Variants in NCOA3 observed in about 807,000 individuals in gnomAD.
NCOA3 encodes CBP-interacting protein.
NCOA3 carries 51 observed loss-of-function variants against 158.8 expected under a neutral mutation model. That is an observed-to-expected ratio of 0.32 (90% CI 0.26 to 0.41). NCOA3 has a LOEUF of 0.41. NCOA3 is among the 10% of genes least tolerant of loss of function. The probability of loss-of-function intolerance (pLI) is 1.00; values close to 1 mark genes in which losing one functional copy is unlikely to be tolerated. For synonymous variants in NCOA3, 537 were observed against 592.4 expected, an observed-to-expected ratio of 0.91 and a Z score of 1.36; for missense variants, 1,510 against 1,746.6, an observed-to-expected ratio of 0.86 and a Z score of 2.41.
At position 47,654,929 on chromosome 20, in the gene NCOA3, G is replaced by C. The variant is rs1273301351; in HGVS notation, c.*1512G>C. ...TTCATCCCCTTTAGGAGCGTTTTCAGATTTTGGTTGCTAAGACCTGAATCC... is the reference window on the plus strand; with the variant it reads ...TTCATCCCCTTTAGGAGCGTTTTCACATTTTGGTTGCTAAGACCTGAATCC... On this transcript the variant is annotated 3_prime_UTR_variant, in exon 23 of 23. Coordinates refer to ENST00000371998, the MANE Select transcript of NCOA3 (RefSeq NM_181659.3). 6.6e-6 allele frequency: 1 copy of C among 151,628 alleles called. No individual in the cohort carries two copies. Among genetic ancestry groups the C allele is most frequent in the Non-Finnish European group, 1.5e-5 (1 of 67,966 alleles). The allele number at this position is 151,628 out of a possible 1,614,324, so 9.4% of individuals were successfully genotyped here. A position where few individuals can be genotyped will look rare whatever the true frequency, so the allele number is the denominator to read the frequency against.
At chr20:47,594,664 CAAAAAAAAAAAAAAAAAAAAAAAAAAAAA>C (rs377014290) in intron 2 of NCOA3, among the ~76,000 whole-genome samples, 2 of 72,942 alleles carry the variant, frequency 2.7e-5, no homozygotes, top group Non-Finnish European at 4.9e-5. Flanking sequence ...GACTCTGTCT[CAAAAAAAAAAAAAAAAAAAAAAAAAAAAA>C]AAGAGAAGAT....
In NCOA3 at chr20:47,642,358, T is replaced by C. The variant is rs182402035; in HGVS notation, c.3226T>C (p.Leu1076=). ...ATGLEEIDRA[L]GIPELVNQGQ... ...AGGCCTGGAAGAAATTGACAGAGCT[T>C]TGGGCATTCCTGAACTTGTCAATCA... Residue 1076 remains leucine (L), a synonymous_variant, in exon 17 of 23, where the codon TTG becomes CTG. Coordinates refer to ENST00000371998, the MANE Select transcript of NCOA3 (RefSeq NM_181659.3). 78 of 1,607,402 alleles carry C rather than the reference T, an allele frequency of 4.9e-5. No individual in the cohort carries two copies. In the East Asian group the frequency reaches 1.5e-3, roughly 31 times the overall value.
intron 2 of NCOA3, among the ~76,000 whole-genome samples, chr20:47,604,574 G>T (rs986818024): frequency 3.9e-5 from 6 of 152,056 alleles, no homozygotes; most frequent in Non-Finnish European, 5.9e-5. Flanking sequence ...TTATTCTTCT[G>T]TTTCTTTTTA....
chr20:47,651,056 G>T lies in NCOA3; in HGVS notation c.3726G>T (p.Arg1242Ser). Residue 1242 changes from arginine (R) to serine (S), a missense_variant, in exon 20 of 23, where the codon AGG becomes AGT. This residue lies in a region of NCOA3 where 1,017 missense variants were observed against 1,098.3 expected (regional missense o/e 0.93). Coordinates refer to ENST00000371998, the MANE Select transcript of NCOA3 (RefSeq NM_181659.3). ...ELLSHHFRQQ[R>S]VAMMMQQQQQ... ...TAAGTCATCACTTCCGACAACAGAG[G>T]GTGGCTATGATGATGCAGCAGCAGC... 5 of 1,613,866 alleles carry T rather than the reference G, an allele frequency of 3.1e-6. No homozygotes were observed. Among genetic ancestry groups the T allele is most frequent in the Non-Finnish European group, 3.4e-6 (4 of 1,179,984 alleles).
intron 2 of NCOA3, among the ~76,000 whole-genome samples, chr20:47,606,062 G>A (rs2085941952): frequency 6.6e-6 from 1 of 152,168 alleles, no homozygotes; most frequent in South Asian, 2.1e-4. Flanking sequence ...TGCCCAGGCT[G>A]GTCTTGAACT....
intron 1 of NCOA3, among the ~76,000 whole-genome samples, chr20:47,511,495 T>TA (rs2084129170): frequency 8.4e-6 from 1 of 118,940 alleles, no homozygotes; most frequent in Admixed American, 9.4e-5. Flanking sequence ...GCTATATAGA[T>TA]ATATAGCTGA....
At chr20:47,625,105 A>T (rs1315972906) in intron 4 of NCOA3, among the ~76,000 whole-genome samples, 1 of 152,122 alleles carries the variant, frequency 6.6e-6, no homozygotes, top group Non-Finnish European at 1.5e-5. Context: ...CGGTTAACAG[A>T]CAATTGCCTG....
At chr20:47,616,978 G>A (rs868860817) in intron 2 of NCOA3, among the ~76,000 whole-genome samples, 3 of 151,894 alleles carry the variant, frequency 2.0e-5, no homozygotes, top group South Asian at 2.1e-4. Flanking sequence ...TTTTTTAGAC[G>A]GAGTCTCACT....
At chr20:47,626,771 T>C (rs962597017) in intron 5 of NCOA3, among the ~76,000 whole-genome samples, 4 of 152,188 alleles carry the variant, frequency 2.6e-5, no homozygotes, top group African/African-American at 9.7e-5. Context: ...TGTTCTCCCA[T>C]GGCCTTTTTC....
rs377014290 is a variant in NCOA3, at chr20:47,594,664, C to CAAAAAAAAAAAA, written c.-20+11423_-20+11434dup. 8.6e-4 allele frequency among the ~76,000 whole-genome samples: 63 copies of CAAAAAAAAAAAA among 72,948 alleles called. 1 individual carries two copies. Among genetic ancestry groups the CAAAAAAAAAAAA allele is most frequent in the Admixed American group, 1.1e-3 (6 of 5,572 alleles). 47.9% of individuals were successfully genotyped at this position (72,948 alleles called of 152,430 possible). A position where few individuals can be genotyped will look rare whatever the true frequency, so the allele number is the denominator to read the frequency against. On this transcript the variant is annotated intron_variant, in intron 2 of 22. Coordinates refer to ENST00000371998, the MANE Select transcript of NCOA3 (RefSeq NM_181659.3). ...TGGGCGACAGAGCGAGACTCTGTCT[C>CAAAAAAAAAAAA]AAAAAAAAAAAAAAAAAAAAAAAAA...
intron 1 of NCOA3, among the ~76,000 whole-genome samples, chr20:47,542,626 G>A (rs2425958): frequency 0.15 from 23,487 of 152,072 alleles, 2,850 homozygotes; most frequent in African/African-American, 0.33. Flanking sequence ...GCAGTGAGCT[G>A]TGATTGCACC....
intron 1 of NCOA3, among the ~76,000 whole-genome samples, chr20:47,525,254 G>C (rs1460479137): frequency 2.0e-5 from 3 of 151,590 alleles, no homozygotes; most frequent in Non-Finnish European, 4.4e-5. Flanking sequence ...TTGGGGGTAA[G>C]GTCACCGATC....
Position 47,651,297 on chromosome 20 carries a change from G to C in NCOA3, c.3946+21G>C, listed in dbSNP as rs1334667741. 2.5e-6 allele frequency: 4 copies of C among 1,585,410 alleles called. No individual in the cohort carries two copies. The South Asian group carries it at 4.6e-5, about 18-fold the overall frequency. On this transcript the variant is annotated intron_variant, in intron 20 of 22. Transcript: ENST00000371998. The stretch of plus-strand genomic sequence containing the variant: ...TTATGGTAAATCTGACAATGAAAAT[G>C]TGCCTTCCCCAAGTTAACATTACTA...
chr20:47,571,629 T>C (rs1014665868), intron 1 of NCOA3, among the ~76,000 whole-genome samples: 1 of 152,138 alleles, frequency 6.6e-6, no homozygotes, highest in Non-Finnish European at 1.5e-5. Context: ...ACCTAAAATA[T>C]TCAGTAAATC....
intron 10 of NCOA3, 143 bp downstream of exon 10, chr20:47,634,338 G>T: frequency 1.3e-6 from 1 of 761,092 alleles, no homozygotes; most frequent in Non-Finnish European, 2.1e-6. Context: ...TTAGATTCCT[G>T]GATTATGATA....
At chr20:47,514,565 G>GT (rs1680885295) in intron 1 of NCOA3, among the ~76,000 whole-genome samples, 1 of 151,214 alleles carries the variant, frequency 6.6e-6, no homozygotes, top group Admixed American at 6.6e-5. Flanking sequence ...TTTTTTTTTT[G>GT]TATTTTTGGT....
chr20:47,502,702 C>CTTT (rs3083969), intron 1 of NCOA3, among the ~76,000 whole-genome samples: 19 of 139,328 alleles, frequency 1.4e-4, no homozygotes, highest in South Asian at 4.7e-4. Context: ...TTTATTACTA[C>CTTT]TTTTTTTTTT....
intron 1 of NCOA3, among the ~76,000 whole-genome samples, chr20:47,549,305 T>C (rs904068443): frequency 6.6e-6 from 1 of 151,662 alleles, no homozygotes; most frequent in Non-Finnish European, 1.5e-5. Flanking sequence ...GAGGATCACT[T>C]AAGCCCAGGA....
chr20:47,636,544 A>G lies in NCOA3; in HGVS notation c.2158A>G (p.Asn720Asp), dbSNP rs767491909. Reference sequence around the variant, plus strand: ...CAGTATAACTTCTTGTGGGGACGGAAATGTTGTCAAGCAGGAGCAGCTAAG... The same window carrying G: ...CAGTATAACTTCTTGTGGGGACGGAGATGTTGTCAAGCAGGAGCAGCTAAG... Reference protein sequence around the residue: ...TSSITSCGDGNVVKQEQLSPK... With the variant: ...TSSITSCGDGDVVKQEQLSPK... Residue 720 changes from asparagine to aspartate, a missense_variant, in exon 12 of 23, where the codon AAT (asparagine) becomes GAT (aspartate). Transcript: ENST00000371998. 1 of 1,614,176 alleles carries G rather than the reference A, an allele frequency of 6.2e-7. No individual in the cohort carries two copies. Among genetic ancestry groups the G allele is most frequent in the Admixed American group, 1.7e-5 (1 of 60,024 alleles).
Sources: gnomAD v4.1 joint callset for allele counts (sites outside exome capture counted in the v4.1 genomes callset) on GRCh38, gnomAD v4.1.1 for gene constraint, gnomAD v4.1.1 regional missense constraint, MANE v1.5 for transcripts, NCBI Gene and HGNC (gene_info 2026-07-23, HGNC 2026-07-21) for gene names.